The following NARS2 variants were observed in gnomAD, a reference collection of about 807,000 sequenced individuals.
The protein encoded by NARS2 is asparaginyl-tRNA synthetase.
NARS2 carries 60 observed loss-of-function variants against 62.9 expected under a neutral mutation model. The ratio of observed to expected loss-of-function variants is 0.95; its 90% confidence interval spans 0.77 to 1.18. The LOEUF (loss-of-function observed/expected upper bound fraction) is 1.18. Ranked by LOEUF, NARS2 falls within the 50% of genes most tolerant of loss-of-function variation. The probability of loss-of-function intolerance (pLI) is 0.00; values close to 1 mark genes in which losing one functional copy is unlikely to be tolerated. For missense variants in NARS2, 619 were observed against 576.4 expected, an observed-to-expected ratio of 1.07 and a Z score of -0.76; for synonymous variants, 196 against 200.0, an observed-to-expected ratio of 0.98 and a Z score of 0.17.
Position 78,443,727 on chromosome 11 carries a change from A to G in NARS2, c.1196T>C (p.Val399Ala). The G allele has an allele frequency of 6.2e-7, 1 of 1,613,666 alleles. No homozygotes were observed. Among genetic ancestry groups the G allele is most frequent in the Non-Finnish European group, 8.5e-7 (1 of 1,179,740 alleles). Residue 399 changes from valine to alanine, a missense_variant, in exon 12 of 14, where the codon GTT becomes GCT. Coordinates refer to ENST00000281038, the MANE Select transcript of NARS2 (RefSeq NM_024678.6). ...GAGGCCTCCTCCAAAGAGTTCCCCA[A>G]CTCCAGGAACCAGAAGATCAACAGC... is the stretch of plus-strand genomic sequence containing the variant. ...VAAVDLLVPG[V>A]GELFGGGLRE...
At chr11:78,470,315 A>C (rs775539755) in intron 9 of NARS2, among the ~76,000 whole-genome samples, 9 of 152,092 alleles carry the variant, frequency 5.9e-5, no homozygotes, top group Non-Finnish European at 1.3e-4. Flanking sequence ...ACATAGTTTT[A>C]AAAAAAATCA....
At chr11:78,521,825 A>G (rs981319904) in intron 6 of NARS2, among the ~76,000 whole-genome samples, 3 of 151,418 alleles carry the variant, frequency 2.0e-5, no homozygotes, top group East Asian at 1.9e-4. Flanking sequence ...GCCCGGATAC[A>G]TGGTTGTAGC....
At position 78,564,208 on chromosome 11, in the gene NARS2, A is replaced by G. The variant is rs139285854; in HGVS notation, c.513+1924T>C. Among the ~76,000 whole-genome samples, 1,037 of 151,354 alleles carry G rather than the reference A, an allele frequency of 6.9e-3. 9 individuals carry two copies. The highest frequency in any genetic ancestry group is 0.02 in the South Asian group (96 of 4,786). On this transcript the variant is annotated intron_variant, in intron 4 of 13. Transcript: ENST00000281038. ...AGCCACTGTGCCCAGTAATAATAAT[A>G]TTTTTAAGACAGGATCTCACTCTCC...
intron 12 of NARS2, among the ~76,000 whole-genome samples, chr11:78,443,365 GC>G (rs1394274532): frequency 6.6e-6 from 1 of 151,406 alleles, no homozygotes; most frequent in African/African-American, 2.4e-5. Context: ...TGTAGGACAA[GC>G]TTTAAGGGGG....
At chr11:78,496,041 G>C (rs1860042755) in intron 6 of NARS2, among the ~76,000 whole-genome samples, 1 of 152,126 alleles carries the variant, frequency 6.6e-6, no homozygotes, top group Non-Finnish European at 1.5e-5. Context: ...TTCAATTATA[G>C]TAAGGATCAG....
chr11:78,529,208 A>C (rs1215964431), intron 5 of NARS2, among the ~76,000 whole-genome samples: 2 of 152,214 alleles, frequency 1.3e-5, no homozygotes, highest in Non-Finnish European at 2.9e-5. Context: ...CCCCCTAAAA[A>C]GTGATTCTGA....
intron 5 of NARS2, 152 bp downstream of exon 5, chr11:78,559,387 G>T: frequency 4.1e-6 from 2 of 485,776 alleles, no homozygotes; most frequent in Non-Finnish European, 7.6e-6. Context: ...AGACTGGTTT[G>T]AATTGTCTAT....
chr11:78,509,766 G>A (rs1860644543), intron 6 of NARS2, among the ~76,000 whole-genome samples: 1 of 149,772 alleles, frequency 6.7e-6, no homozygotes, highest in South Asian at 2.1e-4. Context: ...GGTGGAGGAT[G>A]CAGTAAGCTG....
At chr11:78,471,097 C>G (rs1858852984) in intron 9 of NARS2, among the ~76,000 whole-genome samples, 1 of 152,012 alleles carries the variant, frequency 6.6e-6, no homozygotes. Flanking sequence ...AGAATCTATT[C>G]AAATTAAAAT....
chr11:78,447,029 C>G (rs1857784773), intron 11 of NARS2, among the ~76,000 whole-genome samples: 2 of 146,356 alleles, frequency 1.4e-5, no homozygotes, highest in Non-Finnish European at 3.0e-5. Flanking sequence ...GGTAAAGGAA[C>G]TGAACAGACA....
chr11:78,456,662 A>G (rs1396033358), intron 11 of NARS2, among the ~76,000 whole-genome samples: 1 of 152,226 alleles, frequency 6.6e-6, no homozygotes, highest in Non-Finnish European at 1.5e-5. Flanking sequence ...TAATACTGAT[A>G]TAATTTTGAA....
intron 11 of NARS2, among the ~76,000 whole-genome samples, chr11:78,445,128 G>C (rs934445475): frequency 9.9e-5 from 15 of 152,140 alleles, no homozygotes; most frequent in Middle Eastern, 3.4e-3. Context: ...GAGATTACAA[G>C]TATTTTAAAA....
intron 11 of NARS2, among the ~76,000 whole-genome samples, chr11:78,459,905 G>A (rs1858326587): frequency 6.6e-6 from 1 of 152,192 alleles, no homozygotes; most frequent in Admixed American, 6.5e-5. Context: ...AACATGGTAC[G>A]ACTGCAGCAT....
At chr11:78,568,302 C>T (rs1398172726) in intron 3 of NARS2, among the ~76,000 whole-genome samples, 3 of 152,050 alleles carry the variant, frequency 2.0e-5, no homozygotes, top group Admixed American at 6.6e-5. Context: ...ATTGGATGAT[C>T]GGTTCTACAT....
At chr11:78,440,184 C>T (rs1317312042) in intron 13 of NARS2, among the ~76,000 whole-genome samples, 1 of 152,150 alleles carries the variant, frequency 6.6e-6, no homozygotes, top group Non-Finnish European at 1.5e-5. Context: ...CTGCCTCAGC[C>T]TCCCAAATAG....
intron 9 of NARS2, among the ~76,000 whole-genome samples, chr11:78,471,629 A>G (rs1858879322): frequency 6.6e-6 from 1 of 151,160 alleles, no homozygotes; most frequent in African/African-American, 2.4e-5. Flanking sequence ...GGTGCGCTGC[A>G]CCCACTAACT....
At position 78,500,897 on chromosome 11, in the gene NARS2, G is replaced by A. The variant is rs185798155; in HGVS notation, c.690-7702C>T. ...CTTTTGAGGGCAGGATTTGAGACTA[G>A]CCTGGGCAACATGGTGAAACCCCGT... is the stretch of plus-strand genomic sequence containing the variant. On this transcript the variant is annotated intron_variant, in intron 6 of 13. Transcript: ENST00000281038. Among the ~76,000 whole-genome samples the A allele has an allele frequency of 3.1e-3, 465 of 152,226 alleles. 2 individuals carry two copies. The Middle Eastern group carries it at 0.031, about 10-fold the overall frequency.
intron 6 of NARS2, among the ~76,000 whole-genome samples, chr11:78,526,649 A>G (rs940789628): frequency 6.6e-6 from 1 of 152,144 alleles, no homozygotes; most frequent in Admixed American, 6.5e-5. Context: ...CTAGTATTCT[A>G]CCAATTTAAT....
chr11:78,446,227 A>C (rs1857755502), intron 11 of NARS2, among the ~76,000 whole-genome samples: 1 of 152,232 alleles, frequency 6.6e-6, no homozygotes, highest in Non-Finnish European at 1.5e-5. Context: ...GATATACTTT[A>C]TGAATAATCA....
Sources: gnomAD v4.1 joint callset for allele counts (sites outside exome capture counted in the v4.1 genomes callset) on GRCh38, gnomAD v4.1.1 for gene constraint, MANE v1.5 for transcripts, NCBI Gene and HGNC (gene_info 2026-07-23, HGNC 2026-07-21) for gene names.